PTCHD4: variants seen among roughly 807,000 people sequenced by gnomAD.
PTCHD4 encodes the protein patched domain-containing protein 4.
In PTCHD4, 33 loss-of-function variants were observed where a neutral mutation model predicts 58.1. The ratio of observed to expected loss-of-function variants is 0.57; its 90% CI spans 0.43 to 0.76. PTCHD4 has a LOEUF of 0.76. Among genes scored for constraint, PTCHD4 ranks in the 30% least tolerant of loss-of-function variants. The pLI is 0.00. For synonymous variants in PTCHD4, 478 were observed against 409.6 expected (o/e 1.17, Z -2.02); for missense variants, 1,058 against 1,027.1 (o/e 1.03, Z -0.41).
intron 4 of PTCHD4, among the ~76,000 whole-genome samples, chr6:47,917,281 A>G (rs924964146): frequency 2.2e-4 from 34 of 152,166 alleles, no homozygotes; most frequent in Non-Finnish European, 4.6e-4. Context: ...TGAAATTCCC[A>G]TGCCACAAAG....
intron 3 of PTCHD4, among the ~76,000 whole-genome samples, chr6:48,046,355 C>T (rs1397371973): frequency 2.6e-5 from 4 of 151,700 alleles, no homozygotes; most frequent in Admixed American, 2.0e-4. Context: ...AGCACTGTTC[C>T]TATGAAGCTT....
Position 48,068,750 on chromosome 6 carries a change from C to G in PTCHD4, c.6-109G>C, listed in dbSNP as rs2113880975. ...CACCGCCGCCGCCTCCCCACCCACTCCGCGCTCACCCCACAACCACTCCGC... is the reference window on the plus strand; with the variant it reads ...CACCGCCGCCGCCTCCCCACCCACTGCGCGCTCACCCCACAACCACTCCGC... On this transcript the variant is annotated intron_variant, in intron 2 of 4. Transcript: ENST00000339488. This position sits in a 1 kb window ranked among gnomAD's most constrained non-coding sequence, Gnocchi z 4.2. 1 of 1,041,768 alleles carries G rather than the reference C, an allele frequency of 9.6e-7. No individual in the cohort carries two copies. 64.5% of individuals were successfully genotyped at this position (1,041,768 alleles called of 1,614,324 possible).
intron 3 of PTCHD4, among the ~76,000 whole-genome samples, chr6:48,063,048 A>T (rs755573390): frequency 5.5e-4 from 84 of 152,164 alleles, no homozygotes; most frequent in Non-Finnish European, 1.8e-4. Flanking sequence ...ATATTTCTCA[A>T]TTTAGAGCAT....
At chr6:48,023,523 T>A (rs1000850490) in intron 3 of PTCHD4, among the ~76,000 whole-genome samples, 1 of 152,188 alleles carries the variant, frequency 6.6e-6, no homozygotes, top group Admixed American at 6.5e-5. Context: ...TACATAAGCA[T>A]GAATGCAGCT....
chr6:47,923,210 A>G (rs1765488525), intron 4 of PTCHD4, among the ~76,000 whole-genome samples: 1 of 152,202 alleles, frequency 6.6e-6, no homozygotes, highest in Non-Finnish European at 1.5e-5. Context: ...TTCAAAGTAT[A>G]AAAGAGAAAA....
intron 4 of PTCHD4, among the ~76,000 whole-genome samples, chr6:47,922,463 C>A (rs974580950): frequency 3.9e-5 from 6 of 152,140 alleles, no homozygotes; most frequent in Non-Finnish European, 7.4e-5. Flanking sequence ...CTGGCTCCTT[C>A]GTGGGAATTA....
chr6:47,912,505 T>G (rs1468699826), intron 4 of PTCHD4, among the ~76,000 whole-genome samples: 1 of 152,152 alleles, frequency 6.6e-6, no homozygotes, highest in Non-Finnish European at 1.5e-5. Flanking sequence ...ACACTTACTT[T>G]TTAATGCTCT....
chr6:47,858,792 T>A lies in PTCHD4; in HGVS notation c.*19511A>T, dbSNP rs1282839123. On this transcript the variant is annotated 3_prime_UTR_variant, in exon 5 of 5. Coordinates refer to ENST00000339488, the MANE Select transcript of PTCHD4 (RefSeq NM_001384253.1). ...AAATGAAAATTTAGAAGGTGAGAAA[T>A]TTCTATCAGAAAGGAAAACAATACA... Among the ~76,000 whole-genome samples, 3 of 151,990 alleles carry A rather than the reference T, an allele frequency of 2.0e-5. No individual in the cohort carries two copies. The highest frequency in any genetic ancestry group is 4.4e-5 in the Non-Finnish European group (3 of 67,974).
intron 4 of PTCHD4, among the ~76,000 whole-genome samples, chr6:47,981,919 C>G (rs911999887): frequency 6.6e-6 from 1 of 152,022 alleles, no homozygotes; most frequent in African/African-American, 2.4e-5. Context: ...TCCTGTTTTG[C>G]TCAACTTTTC....
At chr6:47,899,367 C>A (rs567425658) in intron 4 of PTCHD4, among the ~76,000 whole-genome samples, 5 of 152,230 alleles carry the variant, frequency 3.3e-5, no homozygotes, top group Admixed American at 3.3e-4. Context: ...AAATATTTCC[C>A]CTGATGGACA....
intron 4 of PTCHD4, among the ~76,000 whole-genome samples, chr6:47,980,846 T>C (rs1305225692): frequency 6.6e-6 from 1 of 151,836 alleles, no homozygotes; most frequent in Non-Finnish European, 1.5e-5. Flanking sequence ...CAAATAAATA[T>C]ATATATATTT....
intron 4 of PTCHD4, 97 bp downstream of exon 4, chr6:48,008,537 T>G: frequency 7.3e-7 from 1 of 1,378,628 alleles, no homozygotes; most frequent in Non-Finnish European, 9.7e-7. Context: ...GACACCCCAA[T>G]GCAAAATTAA....
rs921978133 is a variant in PTCHD4 at position 47,868,790 on chromosome 6, A to G, written c.*9513T>C. Among the ~76,000 whole-genome samples the G allele has an allele frequency of 2.0e-5, 3 of 151,720 alleles. No homozygotes were observed. The highest frequency in any genetic ancestry group is 1.9e-4 in the East Asian group (1 of 5,148). Reference sequence around the variant, plus strand: ...AGGAGAAAACATGCTTAATTACTCTAAAGAAAAGTTATTTTAGAAATGATA... The same window carrying G: ...AGGAGAAAACATGCTTAATTACTCTGAAGAAAAGTTATTTTAGAAATGATA... On this transcript the variant is annotated 3_prime_UTR_variant, in exon 5 of 5. Coordinates refer to ENST00000339488, the MANE Select transcript of PTCHD4 (RefSeq NM_001384253.1).
At chr6:48,020,270 A>G (rs1763019643) in intron 3 of PTCHD4, among the ~76,000 whole-genome samples, 1 of 152,146 alleles carries the variant, frequency 6.6e-6, no homozygotes, top group Non-Finnish European at 1.5e-5. Flanking sequence ...AACATTAAAA[A>G]AGAGGTTTTT....
At chr6:48,037,733 G>C (rs185736252) in intron 3 of PTCHD4, among the ~76,000 whole-genome samples, 13 of 152,144 alleles carry the variant, frequency 8.5e-5, no homozygotes, top group Admixed American at 8.5e-4. Flanking sequence ...GGAAGAAAAG[G>C]GGAAGAGCCT....
intron 4 of PTCHD4, among the ~76,000 whole-genome samples, chr6:47,910,082 C>G (rs931787111): frequency 8.5e-5 from 13 of 152,168 alleles, no homozygotes; most frequent in Admixed American, 6.5e-4. Context: ...GATCTTGGCA[C>G]TATTGCCGTT....
intron 4 of PTCHD4, among the ~76,000 whole-genome samples, chr6:47,924,468 A>T (rs976361165): frequency 6.6e-6 from 1 of 152,110 alleles, no homozygotes; most frequent in Non-Finnish European, 1.5e-5. Flanking sequence ...CCCAGAGTGA[A>T]TCCAATCTTG....
intron 3 of PTCHD4, among the ~76,000 whole-genome samples, chr6:48,067,059 T>G (rs896412866): frequency 1.2e-4 from 18 of 152,146 alleles, no homozygotes; most frequent in Non-Finnish European, 2.5e-4. Flanking sequence ...TTAAAAAAAT[T>G]TTTTTCTTCT....
Position 47,877,930 on chromosome 6 carries a change from T to A in PTCHD4, c.*373A>T, listed in dbSNP as rs755278912. On this transcript the variant is annotated 3_prime_UTR_variant, in exon 5 of 5. Transcript: ENST00000339488. ...AAAGTGCCATGGCACATTTCCCATGTCTTTCCCCCTATTTGAAGGACACCT... is the reference window on the plus strand; with the variant it reads ...AAAGTGCCATGGCACATTTCCCATGACTTTCCCCCTATTTGAAGGACACCT... 3 of 165,262 alleles carry A rather than the reference T, an allele frequency of 1.8e-5. No homozygotes were observed. Among genetic ancestry groups the A allele is most frequent in the Admixed American group, 6.1e-5 (1 of 16,314 alleles). The allele number at this position is 165,262 out of a possible 1,614,324, so 10.2% of individuals were successfully genotyped here.
Sources: gnomAD v4.1 joint callset for allele counts (sites outside exome capture counted in the v4.1 genomes callset) on GRCh38, gnomAD v4.1.1 for gene constraint, Gnocchi (gnomAD v3.1) non-coding constraint, MANE v1.5 for transcripts, NCBI Gene and HGNC (gene_info 2026-07-23, HGNC 2026-07-21) for gene names.